The following THADA variants were observed in gnomAD, a reference collection of about 807,000 sequenced individuals.
THADA encodes THADA armadillo repeat containing, also known as tRNA (32-2'-O)-methyltransferase regulator THADA.
Under a neutral mutation model 219.8 loss-of-function variants are expected in THADA, and 213 were observed. That is an observed-to-expected ratio of 0.97 (90% CI 0.87 to 1.09). THADA has a LOEUF of 1.09. THADA is among the 50% of genes least tolerant of loss of function. THADA has a pLI of 0.00. For missense variants in THADA, 2,956 were observed against 2,311.3 expected (o/e 1.28, Z -5.72); for synonymous variants, 1,018 against 828.9 (o/e 1.23, Z -3.92).
intron 29 of THADA, among the ~76,000 whole-genome samples, chr2:43,350,945 T>C (rs1668184347): frequency 6.6e-6 from 1 of 152,106 alleles, no homozygotes; most frequent in African/African-American, 2.4e-5. Context: ...GGGGAGAGAA[T>C]CACAGGAAAC....
chr2:43,289,068 T>C (rs1674386023), intron 34 of THADA, among the ~76,000 whole-genome samples: 1 of 152,254 alleles, frequency 6.6e-6, no homozygotes, highest in African/African-American at 2.4e-5. Flanking sequence ...TCAGATAATA[T>C]GTAGTCTTTT....
chr2:43,515,975 A>G (rs1691674835), intron 22 of THADA, among the ~76,000 whole-genome samples: 2 of 152,160 alleles, frequency 1.3e-5, no homozygotes, highest in Non-Finnish European at 2.9e-5. Flanking sequence ...TCCTAATAAA[A>G]GAATAACAAA....
Position 43,418,142 on chromosome 2 carries a change from T to C in THADA, c.4058+9958A>G, listed in dbSNP as rs78125078. Among the ~76,000 whole-genome samples, 761 of 152,322 alleles carry C rather than the reference T, an allele frequency of 5.0e-3. 3 individuals carry two copies. Among genetic ancestry groups the C allele is most frequent in the African/African-American group, 0.018 (728 of 41,562 alleles). ...CATAATTGTTTTCAATAAATATCTG[T>C]TGAGTGAATGAATAAATGAATTTGC... On this transcript the variant is annotated intron_variant, in intron 28 of 37. Coordinates refer to ENST00000405975, the MANE Select transcript of THADA (RefSeq NM_022065.5).
At position 43,515,003 on chromosome 2, in the gene THADA, T is replaced by C. The variant is rs1357037155; in HGVS notation, c.3375-6223A>G. On this transcript the variant is annotated intron_variant, in intron 22 of 37. Coordinates refer to ENST00000405975, the MANE Select transcript of THADA (RefSeq NM_022065.5). Reference sequence around the variant, plus strand: ...AACATTTTATATATAATATATAATATTATATATATTATATATTTTATATAT... The same window carrying C: ...AACATTTTATATATAATATATAATACTATATATATTATATATTTTATATAT... 1.0e-3 allele frequency among the ~76,000 whole-genome samples: 34 copies of C among 32,662 alleles called. 1 individual carries two copies. The highest frequency in any genetic ancestry group is 3.4e-3 in the African/African-American group (34 of 9,954). The allele number at this position is 32,662 out of a possible 152,430, so 21.4% of individuals were successfully genotyped here. A position where few individuals can be genotyped will look rare whatever the true frequency, so the allele number is the denominator to read the frequency against.
intron 33 of THADA, 98 bp downstream of exon 33, chr2:43,292,006 C>A: frequency 1.2e-6 from 1 of 835,786 alleles, no homozygotes. Flanking sequence ...AATACAGGAC[C>A]TGAGACCTGA....
intron 26 of THADA, among the ~76,000 whole-genome samples, chr2:43,461,228 T>C (rs907630048): frequency 6.6e-6 from 1 of 152,194 alleles, no homozygotes; most frequent in African/African-American, 2.4e-5. Context: ...AAGTCTACAC[T>C]GCCCACACAA....
intron 21 of THADA, among the ~76,000 whole-genome samples, chr2:43,532,538 A>G (rs1694020246): frequency 6.6e-6 from 1 of 152,152 alleles, no homozygotes; most frequent in South Asian, 2.1e-4. Flanking sequence ...AAGGCCTTCG[A>G]TAAAATTCAA....
chr2:43,443,619 C>G (rs960789904), intron 26 of THADA, among the ~76,000 whole-genome samples: 1 of 152,170 alleles, frequency 6.6e-6, no homozygotes, highest in African/African-American at 2.4e-5. Context: ...AACTGAAGCT[C>G]TGTAAGTTCA....
At position 43,480,341 on chromosome 2, in the gene THADA, C is replaced by G. The variant is rs568910546; in HGVS notation, c.3836+4893G>C. Among the ~76,000 whole-genome samples the G allele has an allele frequency of 1.9e-4, 29 of 152,284 alleles. No individual in the cohort carries two copies. The South Asian group carries it at 6.0e-3, about 32-fold the overall frequency. On this transcript the variant is annotated intron_variant, in intron 26 of 37. Coordinates refer to ENST00000405975, the MANE Select transcript of THADA (RefSeq NM_022065.5). ...CAACTTCTCCTGTCCTTCTACACAA[C>G]TGAACAGAGACTCCAGCACCACAGA...
intron 24 of THADA, among the ~76,000 whole-genome samples, chr2:43,500,987 G>A (rs1034207689): frequency 6.6e-6 from 1 of 151,742 alleles, no homozygotes; most frequent in South Asian, 2.1e-4. Flanking sequence ...AAAGACATTA[G>A]AAATAAATCT....
chr2:43,298,561 C>A (rs1197107494), intron 31 of THADA, among the ~76,000 whole-genome samples: 2 of 146,490 alleles, frequency 1.4e-5, no homozygotes, highest in African/African-American at 2.6e-5. Flanking sequence ...CCTGCCAAAT[C>A]CCCCTCTGTG....
intron 16 of THADA, among the ~76,000 whole-genome samples, chr2:43,558,353 T>G (rs1339876920): frequency 6.6e-6 from 1 of 152,142 alleles, no homozygotes. Flanking sequence ...AAGAAAGACT[T>G]TGGAAATATA....
chr2:43,397,210 A>G (rs1427655165), intron 29 of THADA, among the ~76,000 whole-genome samples: 1 of 152,138 alleles, frequency 6.6e-6, no homozygotes, highest in Admixed American at 6.5e-5. Flanking sequence ...ACATGTATTG[A>G]GATCTCAAGG....
At chr2:43,579,825 G>A (rs1700222323) in intron 8 of THADA, among the ~76,000 whole-genome samples, 1 of 152,156 alleles carries the variant, frequency 6.6e-6, no homozygotes, top group Admixed American at 6.5e-5. Flanking sequence ...AGATGGCACA[G>A]CAGAAAAGCA....
chr2:43,541,049 A>AT (rs971163980), intron 21 of THADA, 110 bp downstream of exon 21: 1 of 1,098,680 alleles, frequency 9.1e-7, no homozygotes, highest in African/African-American at 1.7e-5. Context: ...CATTTGTATG[A>AT]TTTTATTCAA....
At chr2:43,236,162 G>A (rs375152449) in intron 36 of THADA, among the ~76,000 whole-genome samples, 20 of 152,298 alleles carry the variant, frequency 1.3e-4, no homozygotes, top group Admixed American at 9.2e-4. Flanking sequence ...GGAGAGTGGC[G>A]GGATGACAGG....
chr2:43,551,819 C>T lies in THADA; in HGVS notation c.2917G>A (p.Glu973Lys). ...TCAGTGTCCATTGGGATGAGGCCTT[C>T]AGGGGATGAGCTCTGAATGACTGGA... The part of the protein sequence containing the change: ...VSPVIQSSSP[E>K]GLIPMDTDSE... Residue 973 changes from glutamate (E) to lysine (K), a missense_variant, in exon 19 of 38, where the codon GAA becomes AAA. Physicochemically the swap from Glu to Lys is moderately conservative, Grantham distance 56. Coordinates refer to ENST00000405975, the MANE Select transcript of THADA (RefSeq NM_022065.5). The T allele has an allele frequency of 6.2e-7, 1 of 1,613,702 alleles. No individual in the cohort carries two copies. Among genetic ancestry groups the T allele is most frequent in the Non-Finnish European group, 8.5e-7 (1 of 1,179,808 alleles).
chr2:43,245,833 C>T (rs545704514), intron 36 of THADA, among the ~76,000 whole-genome samples: 25 of 152,188 alleles, frequency 1.6e-4, no homozygotes, highest in Admixed American at 5.2e-4. Context: ...TAACTGAAGA[C>T]TAGAATTTGA....
chr2:43,500,197 CA>C (rs1000409451), intron 24 of THADA, among the ~76,000 whole-genome samples: 2 of 151,442 alleles, frequency 1.3e-5, no homozygotes, highest in African/African-American at 2.4e-5. Context: ...ATGTAAAACT[CA>C]AAAAAAAGAT....
Sources: allele counts gnomAD v4.1 joint callset (sites outside exome capture counted in the v4.1 genomes callset), GRCh38; gene constraint gnomAD v4.1.1; transcripts MANE v1.5; gene names NCBI Gene and HGNC (gene_info 2026-07-23, HGNC 2026-07-21).